The following NYAP2 variants were observed in gnomAD, a reference collection of about 807,000 sequenced individuals.
NYAP2 encodes neuronal tyrosine-phosphorylated phosphoinositide-3-kinase adapter 2.
In NYAP2, 23 loss-of-function variants were observed where a neutral mutation model predicts 50.4. That is an observed-to-expected ratio of 0.46 (90% CI 0.33 to 0.65). NYAP2 has a LOEUF of 0.65. Ranked by LOEUF, NYAP2 falls within the 30% of genes least tolerant of loss-of-function variation. The pLI, the probability that NYAP2 is intolerant of heterozygous loss-of-function variation, is 0.02. For synonymous variants in NYAP2, 394 were observed against 365.2 expected (o/e 1.08, Z -0.90); for missense variants, 885 against 861.0 (o/e 1.03, Z -0.35).
intron 4 of NYAP2, among the ~76,000 whole-genome samples, chr2:225,517,689 C>A (rs1690960392): frequency 6.6e-6 from 1 of 152,088 alleles, no homozygotes; most frequent in African/African-American, 2.4e-5. Context: ...CTTATTGAAT[C>A]ACCACTTCTA....
chr2:225,527,650 T>A (rs1376139528), intron 4 of NYAP2, among the ~76,000 whole-genome samples: 1 of 152,088 alleles, frequency 6.6e-6, no homozygotes, highest in African/African-American at 2.4e-5. Flanking sequence ...ATCTACTTTA[T>A]TATTATTATT....
upstream of NYAP2, among the ~76,000 whole-genome samples, chr2:225,398,229 G>T (rs1252032897): frequency 6.6e-6 from 1 of 151,912 alleles, no homozygotes; most frequent in African/African-American, 2.4e-5. Flanking sequence ...GGGACCTTGG[G>T]TCTTAATCCT....
intron 3 of NYAP2, among the ~76,000 whole-genome samples, chr2:225,464,468 C>A (rs1040249274): frequency 6.6e-6 from 1 of 152,184 alleles, no homozygotes; most frequent in East Asian, 1.9e-4. Flanking sequence ...AAATACTTTG[C>A]GGGCCAGGAA....
chr2:225,508,763 T>C (rs1417863967), intron 3 of NYAP2, among the ~76,000 whole-genome samples: 1 of 152,258 alleles, frequency 6.6e-6, no homozygotes, highest in East Asian at 1.9e-4. Context: ...TACCTCATTG[T>C]GCTCATCCAT....
chr2:225,538,176 T>C (rs1055967618), intron 4 of NYAP2, among the ~76,000 whole-genome samples: 18 of 152,184 alleles, frequency 1.2e-4, no homozygotes, highest in Non-Finnish European at 8.8e-5. Flanking sequence ...TCAGTGAATC[T>C]ACCATTCTGG....
rs1319730636 is a variant in NYAP2, at chr2:225,645,459, T to C, written c.1829-5973T>C. Among the ~76,000 whole-genome samples the C allele has an allele frequency of 2.6e-5, 4 of 152,038 alleles. No individual in the cohort carries two copies. The East Asian group carries it at 7.7e-4, about 29-fold the overall frequency. ...TTTCTTTTTTCTTCTTTCTTCCTTT[T>C]CCTTCCTCTCTGTTTCCCTCCTCCA... On this transcript the variant is annotated intron_variant, in intron 6 of 6. Transcript: ENST00000636099.
chr2:225,511,474 A>G (rs1336148252), intron 3 of NYAP2, among the ~76,000 whole-genome samples: 1 of 151,806 alleles, frequency 6.6e-6, no homozygotes, highest in Non-Finnish European at 1.5e-5. Flanking sequence ...CATCACTTGG[A>G]CTCCATTCAT....
intron 3 of NYAP2, among the ~76,000 whole-genome samples, chr2:225,496,748 T>C (rs979139221): frequency 6.6e-6 from 1 of 152,000 alleles, no homozygotes; most frequent in African/African-American, 2.4e-5. Context: ...TTTATTTTAA[T>C]AGGGTGGATC....
the NYAP2 span, among the ~76,000 whole-genome samples, chr2:225,666,420 G>A: frequency 9.4e-3 from 1,431 of 152,254 alleles, 22 homozygotes; most frequent in African/African-American, 0.033. Flanking sequence ...TTTCCCCAGC[G>A]TGGTCAGGGT....
rs529681728 is a variant in NYAP2 at position 225,408,795 on chromosome 2, G to A, written c.-17-69G>A. On this transcript the variant is annotated intron_variant, in intron 2 of 6. Transcript: ENST00000636099. ...TAATTATTGGAGTTTTGAGTTGTTAGGGATAATAAACAGCACCTTGCTTTT... is the reference window on the plus strand; with the variant it reads ...TAATTATTGGAGTTTTGAGTTGTTAAGGATAATAAACAGCACCTTGCTTTT... The A allele has an allele frequency of 5.3e-5, 41 of 774,402 alleles. No individual in the cohort carries two copies. In the South Asian group the frequency reaches 5.8e-4, roughly 11 times the overall value. 48.0% of individuals were successfully genotyped at this position (774,402 alleles called of 1,614,324 possible).
At chr2:225,583,114 A>G in intron 5 of NYAP2, 79 bp downstream of exon 5, 1 of 1,490,974 alleles carries the variant, frequency 6.7e-7, no homozygotes, top group Non-Finnish European at 9.0e-7. Flanking sequence ...GTGTGCAGAT[A>G]ACGCACAGAG....
the NYAP2 span, chr2:225,699,898 C>T: frequency 2.0e-5 from 3 of 151,736 alleles, no homozygotes; most frequent in East Asian, 3.9e-4. Context: ...AAGAAACTAT[C>T]GCATATATTT....
At chr2:225,459,370 C>T (rs1013483651) in intron 3 of NYAP2, among the ~76,000 whole-genome samples, 1 of 152,154 alleles carries the variant, frequency 6.6e-6, no homozygotes, top group Non-Finnish European at 1.5e-5. Context: ...TAACATAGTA[C>T]TTCCTCTCCC....
At chr2:225,512,796 CT>C (rs1178642798) in intron 3 of NYAP2, among the ~76,000 whole-genome samples, 5,493 of 124,048 alleles carry the variant, frequency 0.044, 586 homozygotes, top group African/African-American at 0.18. Flanking sequence ...CTTTCCCTCC[CT>C]CCCTCTCTTT....
chr2:225,454,168 A>T (rs534830816), intron 3 of NYAP2, among the ~76,000 whole-genome samples: 12 of 152,136 alleles, frequency 7.9e-5, no homozygotes, highest in East Asian at 5.8e-4. Flanking sequence ...CACACAAAAA[A>T]TTAAAATATT....
intron 4 of NYAP2, among the ~76,000 whole-genome samples, chr2:225,579,196 T>TC (rs1692226185): frequency 1.3e-5 from 2 of 151,976 alleles, no homozygotes; most frequent in South Asian, 4.2e-4. Flanking sequence ...CCTAATTATC[T>TC]CCCAAAGGAT....
upstream of NYAP2, among the ~76,000 whole-genome samples, chr2:225,398,811 A>G (rs1694811414): frequency 6.6e-6 from 1 of 152,092 alleles, no homozygotes; most frequent in Non-Finnish European, 1.5e-5. Context: ...ACAAAGACCA[A>G]GAAATAAGTG....
At chr2:225,425,530 T>C (rs974862391) in intron 3 of NYAP2, among the ~76,000 whole-genome samples, 2 of 152,210 alleles carry the variant, frequency 1.3e-5, no homozygotes, top group Non-Finnish European at 2.9e-5. Context: ...GCAATTAAAT[T>C]CTTGACACAC....
chr2:225,571,562 ACCTTGGC>A (rs1214564535), intron 4 of NYAP2, among the ~76,000 whole-genome samples: 7 of 152,186 alleles, frequency 4.6e-5, no homozygotes, highest in Non-Finnish European at 7.3e-5. Flanking sequence ...GCCGAGTTGT[ACCTTGGC>A]CCCTTTTAGC....
Sources: gnomAD v4.1 joint callset for allele counts (sites outside exome capture counted in the v4.1 genomes callset) on GRCh38, gnomAD v4.1.1 for gene constraint, MANE v1.5 for transcripts, NCBI Gene and HGNC (gene_info 2026-07-23, HGNC 2026-07-21) for gene names.